PKP4: variants seen among roughly 807,000 people sequenced by gnomAD.
PKP4 encodes the protein plakophilin 4.
PKP4 carries 90 observed loss-of-function variants against 145.1 expected under a neutral mutation model. That is an observed-to-expected ratio of 0.62 (90% confidence interval 0.52 to 0.74). The LOEUF (loss-of-function observed/expected upper bound fraction) is 0.74, where lower values mean the gene tolerates loss of function less well. Ranked by LOEUF, PKP4 falls within the 30% of genes least tolerant of loss-of-function variation. The pLI, the probability that PKP4 is intolerant of heterozygous loss-of-function variation, is 0.00. For missense variants in PKP4, 1,340 were observed against 1,482.7 expected (o/e 0.90, Z 1.58); for synonymous variants, 563 against 577.2 (o/e 0.98, Z 0.35).
chr2:158,589,631 A>T (rs181958669), intron 3 of PKP4, among the ~76,000 whole-genome samples: 1 of 152,318 alleles, frequency 6.6e-6, no homozygotes, highest in African/African-American at 2.4e-5. Context: ...AACAACCTTT[A>T]AAAATATATT....
chr2:158,637,295 C>T (rs1471146025), intron 9 of PKP4, among the ~76,000 whole-genome samples: 4 of 152,174 alleles, frequency 2.6e-5, no homozygotes, highest in Non-Finnish European at 1.5e-5. Flanking sequence ...CCAAGGTGTT[C>T]AGTGAGGTCT....
intron 15 of PKP4, among the ~76,000 whole-genome samples, chr2:158,665,145 C>CTA (rs1240286350): frequency 6.6e-6 from 1 of 152,096 alleles, no homozygotes; most frequent in Non-Finnish European, 1.5e-5. Context: ...AAGTAAGAAG[C>CTA]TATTTCAGGA....
chr2:158,494,197 A>G (rs1211449236), intron 1 of PKP4, among the ~76,000 whole-genome samples: 2 of 151,932 alleles, frequency 1.3e-5, no homozygotes, highest in South Asian at 2.1e-4. Context: ...GCATCTCACT[A>G]TGTTTCTACT....
chr2:158,614,049 A>C lies in PKP4; in HGVS notation c.281-6941A>C, dbSNP rs1357131799. Reference sequence around the variant, plus strand: ...ATTTCAGCTTGACGAGTACAAGCCAACTGAAGAAACACATTTCCAAGACAT... The same window carrying C: ...ATTTCAGCTTGACGAGTACAAGCCACCTGAAGAAACACATTTCCAAGACAT... On this transcript the variant is annotated intron_variant, in intron 4 of 21. Transcript: ENST00000389759. Among the ~76,000 whole-genome samples the C allele has an allele frequency of 1.1e-4, 16 of 152,210 alleles. No individual in the cohort carries two copies. In the East Asian group the frequency reaches 2.7e-3, roughly 26 times the overall value.
chr2:158,487,373 T>C (rs533675802), intron 1 of PKP4, among the ~76,000 whole-genome samples: 1 of 152,370 alleles, frequency 6.6e-6, no homozygotes, highest in South Asian at 2.1e-4. Flanking sequence ...TCATTATGTG[T>C]GTTTTACACA....
intron 1 of PKP4, among the ~76,000 whole-genome samples, chr2:158,512,716 G>T (rs1039058007): frequency 1.3e-5 from 2 of 152,118 alleles, no homozygotes; most frequent in African/African-American, 4.8e-5. Flanking sequence ...ATTGTCTGTG[G>T]AGAACAACCA....
At chr2:158,583,911 T>C (rs2048555809) in intron 3 of PKP4, among the ~76,000 whole-genome samples, 1 of 152,160 alleles carries the variant, frequency 6.6e-6, no homozygotes, top group Admixed American at 6.5e-5. Context: ...AGACTTTCAA[T>C]AGATCACAGC....
intron 2 of PKP4, among the ~76,000 whole-genome samples, chr2:158,543,799 T>C (rs2044722823): frequency 6.6e-6 from 1 of 152,180 alleles, no homozygotes; most frequent in Non-Finnish European, 1.5e-5. Context: ...AGAAGAGCAC[T>C]GAGAGACCAG....
At chr2:158,471,747 A>G (rs887273783) in intron 1 of PKP4, among the ~76,000 whole-genome samples, 8 of 152,242 alleles carry the variant, frequency 5.3e-5, no homozygotes, top group Non-Finnish European at 1.0e-4. Context: ...CGTTTATTGA[A>G]CTAAGCATTA....
At chr2:158,665,156 G>A (rs1044788383) in intron 15 of PKP4, among the ~76,000 whole-genome samples, 1 of 152,200 alleles carries the variant, frequency 6.6e-6, no homozygotes, top group Non-Finnish European at 1.5e-5. Flanking sequence ...TATTTCAGGA[G>A]CAGTGATGAC....
Position 158,577,295 on chromosome 2 carries a change from C to T in PKP4, c.157C>T (p.Arg53Ter), listed in dbSNP as rs771934822. 9.3e-6 allele frequency: 15 copies of T among 1,613,306 alleles called. No homozygotes were observed. Among genetic ancestry groups the T allele is most frequent in the South Asian group, 6.6e-5 (6 of 90,986 alleles). ...GGAGCTTCAGTTTCAGCGACTCACC[C>T]GAGAACTGGAAGTGGAAAGGCAGAT... is the stretch of plus-strand genomic sequence containing the variant. ...EQELQFQRLT[R>*]ELEVERQIVA... The change falls in exon 3 of 22, where the codon CGA (arginine) becomes TGA (stop). Residue 53 changes from arginine (R) to a stop codon, truncating the protein, a stop_gained. Coordinates refer to ENST00000389759, the MANE Select transcript of PKP4 (RefSeq NM_003628.6). LOFTEE classifies it high-confidence loss of function.
At chr2:158,678,528 ATGGACC>A in intron 20 of PKP4, 47 bp from the exon 21 acceptor site, 1 of 1,304,116 alleles carries the variant, frequency 7.7e-7, no homozygotes, top group Non-Finnish European at 1.1e-6. Context: ...ACCCAGCCTA[ATGGACC>A]AGAGTAATAA....
At chr2:158,577,426 A>C in intron 3 of PKP4, 43 bp downstream of exon 3, 2 of 1,210,560 alleles carry the variant, frequency 1.7e-6, no homozygotes, top group East Asian at 4.8e-5. Flanking sequence ...CTCAAGTTAC[A>C]TGCCTTACTA....
At position 158,640,774 on chromosome 2, in the gene PKP4, G is replaced by A. The variant is rs191364745; in HGVS notation, c.1695+15G>A. On this transcript the variant is annotated intron_variant, in intron 10 of 21. Coordinates refer to ENST00000389759, the MANE Select transcript of PKP4 (RefSeq NM_003628.6). The stretch of plus-strand genomic sequence containing the variant: ...TGAAGATGGAGGTACAGGACATGGT[G>A]CCTGGGATGACTGGGGAAAATAATG... The A allele has an allele frequency of 8.9e-5, 143 of 1,613,514 alleles. No individual in the cohort carries two copies. The African/African-American group carries it at 1.7e-3, about 19-fold the overall frequency.
chr2:158,471,297 T>G (rs1356163438), intron 1 of PKP4, among the ~76,000 whole-genome samples: 4 of 152,240 alleles, frequency 2.6e-5, no homozygotes, highest in Non-Finnish European at 5.9e-5. Context: ...TTCCAGAATG[T>G]TTCATCAGTG....
chr2:158,626,861 C>G (rs2052847771), intron 7 of PKP4, among the ~76,000 whole-genome samples: 1 of 152,088 alleles, frequency 6.6e-6, no homozygotes, highest in Admixed American at 6.5e-5. Flanking sequence ...CTTTTTTTTA[C>G]TAGAGATAAG....
chr2:158,619,307 C>G (rs952938660), intron 4 of PKP4, among the ~76,000 whole-genome samples: 1 of 152,178 alleles, frequency 6.6e-6, no homozygotes, highest in African/African-American at 2.4e-5. Flanking sequence ...CCAGGGAAAC[C>G]ATATACAATC....
intron 2 of PKP4, among the ~76,000 whole-genome samples, chr2:158,575,118 T>C (rs1186163290): frequency 6.6e-6 from 1 of 152,232 alleles, no homozygotes; most frequent in Non-Finnish European, 1.5e-5. Context: ...TCCAAATTTG[T>C]GCCACAATGT....
At chr2:158,656,511 C>T (rs1309605021) in intron 11 of PKP4, among the ~76,000 whole-genome samples, 1 of 152,100 alleles carries the variant, frequency 6.6e-6, no homozygotes, top group East Asian at 1.9e-4. Context: ...GTCTCCCGCC[C>T]GTCCTGTGTC....
Sources: gnomAD v4.1 joint callset for allele counts (sites outside exome capture counted in the v4.1 genomes callset) on GRCh38, gnomAD v4.1.1 for gene constraint, MANE v1.5 for transcripts, NCBI Gene and HGNC (gene_info 2026-07-23, HGNC 2026-07-21) for gene names.